The following AKAP13 variants were observed in gnomAD, a reference collection of about 807,000 sequenced individuals.
AKAP13 encodes A-kinase anchor protein 13.
AKAP13 carries 80 observed loss-of-function variants against 264.5 expected under a neutral mutation model. The ratio of observed to expected loss-of-function variants is 0.30; its 90% CI spans 0.25 to 0.36. The LOEUF is 0.36. Ranked by LOEUF, AKAP13 falls within the 10% of genes least tolerant of loss-of-function variation. The probability of loss-of-function intolerance (pLI) is 1.00; values close to 1 mark genes in which losing one functional copy is unlikely to be tolerated. For missense variants in AKAP13, 3,712 were observed against 3,435.2 expected, an observed-to-expected ratio of 1.08 and a Z score of -2.01; for synonymous variants, 1,380 against 1,250.2, an observed-to-expected ratio of 1.10 and a Z score of -2.19.
chr15:85,493,003 G>A (rs959817855), intron 2 of AKAP13, among the ~76,000 whole-genome samples: 8 of 152,128 alleles, frequency 5.3e-5, no homozygotes, highest in Non-Finnish European at 8.8e-5. Flanking sequence ...GTTGTTTCTG[G>A]TTTGGAGGTA....
At chr15:85,717,216 G>A (rs2087003223) in intron 20 of AKAP13, 74 bp from the exon 21 acceptor site, 25 of 922,390 alleles carry the variant, frequency 2.7e-5, no homozygotes, top group Middle Eastern at 4.4e-4. Flanking sequence ...AGAGTCTTCA[G>A]GTACTCATTT....
At position 85,533,819 on chromosome 15, in the gene AKAP13, A is replaced by G. The variant is rs761701967; in HGVS notation, c.417A>G (p.Ala139=). 1 of 1,613,778 alleles carries G rather than the reference A, an allele frequency of 6.2e-7. No individual in the cohort carries two copies. Among genetic ancestry groups the G allele is most frequent in the Non-Finnish European group, 8.5e-7 (1 of 1,179,794 alleles). Reference sequence around the variant, plus strand: ...CCCTTGATAAGAAGTTGGTGCTGGCATTCAGGCACCTGAAGCTGCCCACGG... The same window carrying G: ...CCCTTGATAAGAAGTTGGTGCTGGCGTTCAGGCACCTGAAGCTGCCCACGG... ...VNSLDKKLVL[A]FRHLKLPTEW... Residue 139 remains alanine (A), a synonymous_variant, in exon 4 of 37, where the codon GCA becomes GCG. Transcript: ENST00000394518.
chr15:85,487,887 A>C (rs537818917), intron 2 of AKAP13, among the ~76,000 whole-genome samples: 1 of 150,334 alleles, frequency 6.7e-6, no homozygotes, highest in African/African-American at 2.5e-5. Flanking sequence ...GTGCGCCATC[A>C]TGCCTGGCTA....
chr15:85,659,720 T>TA (rs1159698482), intron 12 of AKAP13, among the ~76,000 whole-genome samples: 3 of 117,062 alleles, frequency 2.6e-5, no homozygotes, highest in African/African-American at 8.3e-5. Context: ...CAGTCTGAGT[T>TA]AGTGTATACA....
intron 8 of AKAP13, among the ~76,000 whole-genome samples, chr15:85,601,608 TTGTGTGTGTGTG>T (rs10574160): frequency 7.6e-5 from 10 of 131,988 alleles, no homozygotes; most frequent in South Asian, 2.5e-4. Flanking sequence ...CCTGAATTCT[TTGTGTGTGTGTG>T]TGTGTGTGTG....
intron 1 of AKAP13, among the ~76,000 whole-genome samples, chr15:85,407,800 T>C (rs2071749012): frequency 1.3e-5 from 2 of 151,702 alleles, no homozygotes; most frequent in South Asian, 4.1e-4. Context: ...GGGAGGATAG[T>C]CTGGTTTTGT....
intron 1 of AKAP13, among the ~76,000 whole-genome samples, chr15:85,481,690 C>T (rs192753780): frequency 6.6e-6 from 1 of 152,186 alleles, no homozygotes; most frequent in Admixed American, 6.5e-5. Context: ...GCTGAACATA[C>T]TTAAAACCAC....
In AKAP13 at chr15:85,710,606, G is replaced by A. The variant is rs1363790622; in HGVS notation, c.5560G>A (p.Asp1854Asn). The A allele has an allele frequency of 3.1e-6, 5 of 1,613,982 alleles. No individual in the cohort carries two copies. In the South Asian group the frequency reaches 4.4e-5, roughly 14 times the overall value. Residue 1854 changes from aspartate (D) to asparagine (N), a missense_variant, in exon 19 of 37, where the codon GAC (aspartate) becomes AAC (asparagine). Asp to Asn is a conservative substitution (Grantham distance 23, BLOSUM62 1). Coordinates refer to ENST00000394518, the MANE Select transcript of AKAP13 (RefSeq NM_007200.5). ...KQPKGSLQAH[D>N]TSSLPTVIMR... Reference sequence around the variant, plus strand: ...GCCCAAAGGGAGCCTTCAGGCACATGACACATCATCACTGCCCACGGTCAT... The same window carrying A: ...GCCCAAAGGGAGCCTTCAGGCACATAACACATCATCACTGCCCACGGTCAT...
chr15:85,500,697 C>T (rs1213504493), intron 2 of AKAP13, among the ~76,000 whole-genome samples: 1 of 152,018 alleles, frequency 6.6e-6, no homozygotes, highest in East Asian at 1.9e-4. Flanking sequence ...TGCTTATTTC[C>T]TTTTGGATCC....
At chr15:85,486,954 G>T (rs2075571485) in intron 2 of AKAP13, among the ~76,000 whole-genome samples, 2 of 151,982 alleles carry the variant, frequency 1.3e-5, no homozygotes, top group South Asian at 4.1e-4. Flanking sequence ...TTGCCAGGGT[G>T]GTCTCGAACT....
chr15:85,525,130 C>T (rs1371419814), intron 3 of AKAP13, among the ~76,000 whole-genome samples: 3 of 146,084 alleles, frequency 2.1e-5, no homozygotes, highest in Admixed American at 7.0e-5. Context: ...GCGATCTCGG[C>T]TCACTGCAAG....
intron 4 of AKAP13, among the ~76,000 whole-genome samples, chr15:85,541,835 G>A (rs1244989325): frequency 1.3e-5 from 2 of 152,198 alleles, no homozygotes; most frequent in Non-Finnish European, 2.9e-5. Context: ...CTACACAAAA[G>A]CAGATGTGGT....
chr15:85,735,135 A>C lies in AKAP13; in HGVS notation c.7426A>C (p.Met2476Leu). 2 of 1,613,946 alleles carry C rather than the reference A, an allele frequency of 1.2e-6. No homozygotes were observed. Among genetic ancestry groups the C allele is most frequent in the Non-Finnish European group, 1.7e-6 (2 of 1,179,950 alleles). ...CTTTGGAGGATTTGACAGCCATCAG[A>C]TGAATGCTTCAAAAGGTAAATGATG... The part of the protein sequence containing the change: ...ETFGGFDSHQ[M>L]NASKGGEKEE... The change falls in exon 31 of 37, where the codon ATG (methionine) becomes CTG (leucine). Residue 2476 changes from methionine (M) to leucine (L), a missense_variant. Around this residue, in one of 3 missense-constraint regions of AKAP13, gnomAD observed 611 missense variants for 539.3 expected, o/e 1.13. Coordinates refer to ENST00000394518, the MANE Select transcript of AKAP13 (RefSeq NM_007200.5).
chr15:85,534,959 A>T (rs2077345423), intron 4 of AKAP13: 1 of 152,208 alleles, frequency 6.6e-6, no homozygotes, highest in South Asian at 2.1e-4. Context: ...GATAGAAACC[A>T]AAATGTTTAT....
chr15:85,619,788 A>T, intron 8 of AKAP13: 8 of 1,103,044 alleles, frequency 7.3e-6, no homozygotes, highest in Non-Finnish European at 8.8e-6. Context: ...TTCAGTCAAG[A>T]TCTGCACAAA....
chr15:85,540,628 T>C (rs1204458184), intron 4 of AKAP13, among the ~76,000 whole-genome samples: 1 of 152,206 alleles, frequency 6.6e-6, no homozygotes, highest in African/African-American at 2.4e-5. Context: ...CCTAAATGAT[T>C]GAGCTCTGCA....
chr15:85,400,424 A>T (rs372115537), intron 1 of AKAP13, among the ~76,000 whole-genome samples: 2 of 152,114 alleles, frequency 1.3e-5, no homozygotes, highest in African/African-American at 4.8e-5. Flanking sequence ...AAAAAAAATT[A>T]AAAAACAAAA....
intron 17 of AKAP13, among the ~76,000 whole-genome samples, chr15:85,700,334 C>A (rs1477518441): frequency 6.6e-6 from 1 of 152,194 alleles, no homozygotes; most frequent in African/African-American, 2.4e-5. Flanking sequence ...TTCTCTTTTA[C>A]TGGACTCCCT....
chr15:85,508,105 T>C (rs1260432106), intron 2 of AKAP13, among the ~76,000 whole-genome samples: 4 of 152,164 alleles, frequency 2.6e-5, no homozygotes, highest in African/African-American at 7.2e-5. Context: ...CTGAGTAATA[T>C]TGATGGAGCC....
Sources: gnomAD v4.1 joint callset for allele counts (sites outside exome capture counted in the v4.1 genomes callset) on GRCh38, gnomAD v4.1.1 for gene constraint, gnomAD v4.1.1 regional missense constraint, MANE v1.5 for transcripts, NCBI Gene and HGNC (gene_info 2026-07-23, HGNC 2026-07-21) for gene names.